MTUS2: variants seen among roughly 807,000 people sequenced by gnomAD.
MTUS2 encodes the protein microtubule-associated tumor suppressor candidate 2.
A neutral mutation model predicts 114.1 loss-of-function variants in MTUS2; 40 were observed. The ratio of observed to expected loss-of-function variants is 0.35; its 90% CI spans 0.27 to 0.46. MTUS2 has a LOEUF of 0.46. MTUS2 is among the 20% of genes least tolerant of loss of function. The pLI is 1.00. For synonymous variants in MTUS2, 688 were observed against 672.0 expected (o/e 1.02, Z -0.37); for missense variants, 1,679 against 1,705.4 (o/e 0.98, Z 0.27).
intron 2 of MTUS2, among the ~76,000 whole-genome samples, chr13:28,955,240 T>C (rs663497): frequency 0.66 from 99,459 of 151,648 alleles, 33,635 homozygotes; most frequent in East Asian, 0.81. Flanking sequence ...TGTGAAGTTT[T>C]GCGTAATGCA....
chr13:29,494,224 A>G (rs1304809907), intron 12 of MTUS2, among the ~76,000 whole-genome samples: 1 of 152,256 alleles, frequency 6.6e-6, no homozygotes, highest in East Asian at 1.9e-4. Context: ...ATCACTGCTA[A>G]TAAGTGGCAG....
intron 8 of MTUS2, among the ~76,000 whole-genome samples, chr13:29,402,554 G>A (rs903972039): frequency 6.6e-6 from 1 of 152,142 alleles, no homozygotes; most frequent in African/African-American, 2.4e-5. Flanking sequence ...CGATGGCGGA[G>A]TTGCAGGGGT....
At chr13:29,205,398 C>A (rs993856855) in intron 5 of MTUS2, among the ~76,000 whole-genome samples, 1 of 151,480 alleles carries the variant, frequency 6.6e-6, no homozygotes, top group Non-Finnish European at 1.5e-5. Context: ...TCTCTCTTTT[C>A]GCTTTTGTTT....
At chr13:29,084,388 G>A (rs1889577164) in intron 4 of MTUS2, among the ~76,000 whole-genome samples, 1 of 150,458 alleles carries the variant, frequency 6.6e-6, no homozygotes, top group East Asian at 1.9e-4. Flanking sequence ...AACAACTGTT[G>A]TTGTTACTGA....
intron 2 of MTUS2, among the ~76,000 whole-genome samples, chr13:28,928,125 T>A (rs971016646): frequency 6.6e-6 from 1 of 152,004 alleles, no homozygotes; most frequent in African/African-American, 2.4e-5. Flanking sequence ...GACTTAAATC[T>A]AAGACCTGAA....
At chr13:29,292,366 CT>C (rs1214548453) in intron 6 of MTUS2, among the ~76,000 whole-genome samples, 1 of 152,224 alleles carries the variant, frequency 6.6e-6, no homozygotes, top group African/African-American at 2.4e-5. Context: ...ACCTAGATTT[CT>C]GATGTGAGTT....
Position 29,497,277 on chromosome 13 carries a change from C to A in MTUS2, c.3619C>A (p.Arg1207=), listed in dbSNP as rs780726300. The A allele has an allele frequency of 6.2e-7, 1 of 1,611,944 alleles. No homozygotes were observed. Among genetic ancestry groups the A allele is most frequent in the Non-Finnish European group, 8.5e-7 (1 of 1,179,874 alleles). The change falls in exon 13 of 16, where the codon CGG becomes AGG. Residue 1207 remains arginine (R), a synonymous_variant. Coordinates refer to ENST00000612955, the MANE Select transcript of MTUS2 (RefSeq NM_001033602.4). ...DTLTFQSQSL[R]DRARRFEEAL... ...GCTGACCTTCCAGAGCCAGTCTCTG[C>A]GGGACAGAGCCCGCCGCTTCGAAGA...
At chr13:29,119,006 A>T (rs894232904) in intron 5 of MTUS2, among the ~76,000 whole-genome samples, 1 of 151,830 alleles carries the variant, frequency 6.6e-6, no homozygotes, top group Non-Finnish European at 1.5e-5. Flanking sequence ...TTATTCAGAA[A>T]CTCTAAGGAA....
chr13:29,103,232 C>G (rs764794480), intron 5 of MTUS2, among the ~76,000 whole-genome samples: 1 of 152,128 alleles, frequency 6.6e-6, no homozygotes, highest in Non-Finnish European at 1.5e-5. Context: ...GGGATATGTT[C>G]TGAGAAGTAT....
At chr13:29,190,195 C>T (rs2139191099) in intron 5 of MTUS2, among the ~76,000 whole-genome samples, 1 of 152,192 alleles carries the variant, frequency 6.6e-6, no homozygotes, top group Non-Finnish European at 1.5e-5. Context: ...ACCGAGATAC[C>T]CATGTACTCT....
intron 5 of MTUS2, among the ~76,000 whole-genome samples, chr13:29,181,481 C>T (rs569219519): frequency 2.9e-4 from 44 of 152,168 alleles, no homozygotes; most frequent in African/African-American, 1.0e-3. Context: ...TTCCTGATGC[C>T]AGCACTTTTT....
chr13:29,453,852 C>T (rs1354223814), intron 9 of MTUS2, among the ~76,000 whole-genome samples: 1 of 152,098 alleles, frequency 6.6e-6, no homozygotes, highest in African/African-American at 2.4e-5. Context: ...ATATGAGGCT[C>T]AAATGATTCT....
chr13:28,971,245 C>T (rs143100962), intron 2 of MTUS2, among the ~76,000 whole-genome samples: 1 of 152,086 alleles, frequency 6.6e-6, no homozygotes, highest in Non-Finnish European at 1.5e-5. Context: ...TGACTCATTA[C>T]TGGTAGTGTT....
At chr13:29,081,473 C>G (rs1247053601) in intron 4 of MTUS2, among the ~76,000 whole-genome samples, 1 of 152,042 alleles carries the variant, frequency 6.6e-6, no homozygotes, top group African/African-American at 2.4e-5. Context: ...GGAAGACAAA[C>G]ATTCCATTGA....
At chr13:29,113,167 A>G (rs1157544481) in intron 5 of MTUS2, among the ~76,000 whole-genome samples, 1 of 152,190 alleles carries the variant, frequency 6.6e-6, no homozygotes, top group Non-Finnish European at 1.5e-5. Flanking sequence ...AATGTTTCTC[A>G]GGAGCTTGGA....
At chr13:29,182,906 A>G (rs1477332151) in intron 5 of MTUS2, among the ~76,000 whole-genome samples, 2 of 152,194 alleles carry the variant, frequency 1.3e-5, no homozygotes, top group Non-Finnish European at 2.9e-5. Flanking sequence ...CATGGAGGCC[A>G]GTGCAGCTGA....
intron 2 of MTUS2, among the ~76,000 whole-genome samples, chr13:29,000,984 G>A (rs192250868): frequency 3.3e-5 from 5 of 152,148 alleles, no homozygotes; most frequent in South Asian, 2.1e-4. Flanking sequence ...TGTCAGCAGC[G>A]TTCTACAGTC....
At chr13:28,993,454 A>G (rs887340622) in intron 2 of MTUS2, among the ~76,000 whole-genome samples, 9 of 152,106 alleles carry the variant, frequency 5.9e-5, no homozygotes, top group African/African-American at 1.2e-4. Flanking sequence ...GATAGTTTCT[A>G]TTGCTGTGCA....
chr13:28,935,751 C>T (rs767397381), intron 2 of MTUS2, among the ~76,000 whole-genome samples: 1 of 151,912 alleles, frequency 6.6e-6, no homozygotes, highest in Non-Finnish European at 1.5e-5. Flanking sequence ...ATTCCAAAGA[C>T]CAGGCTCATT....
Sources: allele counts gnomAD v4.1 joint callset (sites outside exome capture counted in the v4.1 genomes callset), GRCh38; gene constraint gnomAD v4.1.1; transcripts MANE v1.5; gene names NCBI Gene and HGNC (gene_info 2026-07-23, HGNC 2026-07-21).